The following LNX1 variants were observed in gnomAD, a reference collection of about 807,000 sequenced individuals.
LNX1 encodes the protein E3 ubiquitin-protein ligase LNX.
LNX1 carries 54 observed loss-of-function variants against 68.4 expected under a neutral mutation model. That is an observed-to-expected ratio of 0.79 (90% confidence interval 0.63 to 0.99). The LOEUF (loss-of-function observed/expected upper bound fraction) is 0.99. Among genes scored for constraint, LNX1 ranks in the 50% least tolerant of loss-of-function variants. The pLI is 0.00. For missense variants in LNX1, 906 were observed against 926.4 expected, an observed-to-expected ratio of 0.98 and a Z score of 0.29; for synonymous variants, 336 against 350.0, an observed-to-expected ratio of 0.96 and a Z score of 0.45.
intron 1 of LNX1, among the ~76,000 whole-genome samples, chr4:53,637,232 C>T (rs754260671): frequency 1.3e-5 from 2 of 151,806 alleles, no homozygotes; most frequent in East Asian, 1.9e-4. Flanking sequence ...TGCCTTGGCC[C>T]CTAAGAAACT....
chr4:53,490,521 G>GAGTA (rs71662233), intron 6 of LNX1, among the ~76,000 whole-genome samples: 18,070 of 152,180 alleles, frequency 0.12, 1,376 homozygotes, highest in South Asian at 0.22. Context: ...GGCTGCTGCT[G>GAGTA]AGTAAGCTGA....
chr4:53,591,771 T>A (rs957490420), upstream of LNX1: 1 of 167,972 alleles, frequency 6.0e-6, no homozygotes, highest in Non-Finnish European at 1.2e-5. Flanking sequence ...CGTGTTCAGA[T>A]CTGAAGTCAA....
chr4:53,544,759 G>A (rs554735725), intron 2 of LNX1, among the ~76,000 whole-genome samples: 7 of 152,318 alleles, frequency 4.6e-5, no homozygotes, highest in South Asian at 4.1e-4. Context: ...ATGCCCATGC[G>A]CCAGGCACTG....
At chr4:53,573,589 G>A (rs1731299387) in intron 2 of LNX1, 34 bp downstream of exon 2, 3 of 1,509,844 alleles carry the variant, frequency 2.0e-6, no homozygotes, top group Non-Finnish European at 2.7e-6. Context: ...CCGCTTGGGG[G>A]TGGGACTTAC....
chr4:53,480,064 T>C (rs1177445846), intron 7 of LNX1, among the ~76,000 whole-genome samples: 1 of 152,250 alleles, frequency 6.6e-6, no homozygotes, highest in Admixed American at 6.5e-5. Flanking sequence ...TCTTCTTTGG[T>C]ATTTCTTTGA....
At position 53,538,359 on chromosome 4, in the gene LNX1, T is replaced by C. The variant is rs1728517601; in HGVS notation, c.381-30132A>G. Among the ~76,000 whole-genome samples the C allele has an allele frequency of 1.3e-5, 2 of 152,212 alleles. 1 individual carries two copies. The highest frequency in any genetic ancestry group is 1.3e-4 in the Admixed American group (2 of 15,284). ...AAAATACCTTCTGGCAGCAGAGTCT[T>C]CTGCTACCTAGAACAGCTTTCCCTG... On this transcript the variant is annotated intron_variant, in intron 2 of 10. Transcript: ENST00000263925.
intron 2 of LNX1, among the ~76,000 whole-genome samples, chr4:53,554,948 C>G (rs895697242): frequency 1.4e-4 from 22 of 152,100 alleles, no homozygotes; most frequent in African/African-American, 5.1e-4. Flanking sequence ...TGGATTAGTT[C>G]CAGCGTCTGA....
intron 1 of LNX1, among the ~76,000 whole-genome samples, chr4:53,651,173 G>A (rs1167855201): frequency 1.3e-5 from 2 of 152,174 alleles, no homozygotes; most frequent in Non-Finnish European, 2.9e-5. Flanking sequence ...CTTGGTGTAA[G>A]CAAATGTTCA....
intron 2 of LNX1, among the ~76,000 whole-genome samples, chr4:53,528,631 G>A (rs1183230550): frequency 5.3e-5 from 8 of 151,842 alleles, no homozygotes; most frequent in African/African-American, 1.5e-4. Context: ...CAATACTATG[G>A]TGGTTTCAGG....
chr4:53,541,323 C>CA (rs202114434), intron 2 of LNX1, among the ~76,000 whole-genome samples: 20 of 151,286 alleles, frequency 1.3e-4, no homozygotes, highest in East Asian at 5.8e-4. Flanking sequence ...AAGATCATGT[C>CA]AAAAAAAAGA....
intron 2 of LNX1, among the ~76,000 whole-genome samples, chr4:53,601,721 T>A (rs1367547592): frequency 1.3e-5 from 2 of 152,228 alleles, no homozygotes; most frequent in African/African-American, 2.4e-5. Context: ...CCAACTCATC[T>A]GAATTCGAAG....
At chr4:53,629,648 C>T (rs1419714972) in intron 1 of LNX1, among the ~76,000 whole-genome samples, 2 of 152,148 alleles carry the variant, frequency 1.3e-5, no homozygotes, top group African/African-American at 4.8e-5. Flanking sequence ...AGGTAAGGGA[C>T]AGGCTCAGAC....
chr4:53,578,803 G>GT (rs1320079473), intron 1 of LNX1, among the ~76,000 whole-genome samples: 6 of 152,160 alleles, frequency 3.9e-5, no homozygotes, highest in Admixed American at 3.3e-4. Flanking sequence ...AAACACTGCT[G>GT]TATATATTTT....
At chr4:53,590,878 A>C (rs996555378) in intron 1 of LNX1, among the ~76,000 whole-genome samples, 8 of 152,338 alleles carry the variant, frequency 5.3e-5, no homozygotes, top group African/African-American at 1.4e-4. Context: ...GCTTCTGAAT[A>C]GGGCAACAGA....
intron 2 of LNX1, among the ~76,000 whole-genome samples, chr4:53,548,199 C>T (rs2109686931): frequency 6.6e-6 from 1 of 152,046 alleles, no homozygotes; most frequent in South Asian, 2.1e-4. Flanking sequence ...TTTTATTTGG[C>T]CTGCAGAAGT....
rs149975454 is a variant in LNX1 at position 53,569,991 on chromosome 4, G to A, written c.380+3632C>T. On this transcript the variant is annotated intron_variant, in intron 2 of 10. Transcript: ENST00000263925. ...ACTATCTCACACCAGTTAGAATGGCGATCATTGAAAAGTCAGGAAAGAACA... is the reference window on the plus strand; with the variant it reads ...ACTATCTCACACCAGTTAGAATGGCAATCATTGAAAAGTCAGGAAAGAACA... Among the ~76,000 whole-genome samples the A allele has an allele frequency of 8.4e-3, 1,279 of 152,222 alleles. 19 individuals carry two copies. Among genetic ancestry groups the A allele is most frequent in the Non-Finnish European group, 0.012 (802 of 68,000 alleles).
rs1731332047 is a variant in LNX1 at position 53,573,983 on chromosome 4, G to A, written c.20C>T (p.Ala7Val). 1 of 1,612,042 alleles carries A rather than the reference G, an allele frequency of 6.2e-7. No individual in the cohort carries two copies. Among genetic ancestry groups the A allele is most frequent in the Non-Finnish European group, 8.5e-7 (1 of 1,178,906 alleles). Reference protein sequence around the residue: MNQPESANDPEPLCAVC... With the variant: MNQPESVNDPEPLCAVC... ...TGCACACAGGGGTTCAGGATCGTTG[G>A]CAGACTCTGGCTGGTTCATGATGGA... The change falls in exon 2 of 11, where the codon GCC becomes GTC. Residue 7 changes from alanine (A) to valine (V), a missense_variant. Ala to Val is a moderately conservative substitution (Grantham distance 64, BLOSUM62 0). Transcript: ENST00000263925.
At chr4:53,557,863 A>C in intron 2 of LNX1, 1 of 1,613,000 alleles carries the variant, frequency 6.2e-7, no homozygotes, top group Non-Finnish European at 8.5e-7. Context: ...ACGGACAGAG[A>C]GGGGACTCAC....
At chr4:53,645,157 C>G (rs1164934556) in intron 1 of LNX1, among the ~76,000 whole-genome samples, 1 of 152,116 alleles carries the variant, frequency 6.6e-6, no homozygotes, top group Non-Finnish European at 1.5e-5. Context: ...GGAGTGTAAC[C>G]TAAAAACACT....
Sources: gnomAD v4.1 joint callset for allele counts (sites outside exome capture counted in the v4.1 genomes callset) on GRCh38, gnomAD v4.1.1 for gene constraint, MANE v1.5 for transcripts, NCBI Gene and HGNC (gene_info 2026-07-23, HGNC 2026-07-21) for gene names.